Variants in GLIS1 observed in about 807,000 individuals in gnomAD.
The protein encoded by GLIS1 is zinc finger protein GLIS1.
A neutral mutation model predicts 63.8 loss-of-function variants in GLIS1; 24 were observed. The observed-to-expected ratio is 0.38, with a 90% confidence interval of 0.27 to 0.53. GLIS1 has a LOEUF of 0.53. Among genes scored for constraint, GLIS1 ranks in the 20% least tolerant of loss-of-function variants. The pLI is 0.85. For missense variants in GLIS1, 1,036 were observed against 1,074.1 expected (o/e 0.96, Z 0.50); for synonymous variants, 450 against 482.5 (o/e 0.93, Z 0.88).
chr1:53,588,523 C>G (rs185015258), intron 4 of GLIS1, among the ~76,000 whole-genome samples: 51 of 152,314 alleles, frequency 3.3e-4, no homozygotes, highest in African/African-American at 1.2e-3. Flanking sequence ...TGTTCTCTGT[C>G]TGTATGTGAT....
intron 8 of GLIS1, 32 bp downstream of exon 8, chr1:53,514,593 C>T: frequency 6.2e-7 from 1 of 1,600,440 alleles, no homozygotes; most frequent in Non-Finnish European, 8.5e-7. Context: ...CCCCTTGTTG[C>T]CCCTGGAGGA....
At chr1:53,566,627 C>T (rs1002257071) in intron 4 of GLIS1, among the ~76,000 whole-genome samples, 1 of 152,180 alleles carries the variant, frequency 6.6e-6, no homozygotes, top group Admixed American at 6.5e-5. Context: ...GGGGGAAGGG[C>T]CTGGTGGGAG....
intron 2 of GLIS1, among the ~76,000 whole-genome samples, chr1:53,649,191 A>T (rs1645879556): frequency 1.3e-5 from 2 of 152,252 alleles, no homozygotes; most frequent in South Asian, 4.1e-4. Context: ...TTACTACCAT[A>T]AAATATATAC....
At chr1:53,615,612 C>G (rs1473661663) in intron 2 of GLIS1, among the ~76,000 whole-genome samples, 1 of 152,152 alleles carries the variant, frequency 6.6e-6, no homozygotes, top group Non-Finnish European at 1.5e-5. Context: ...CAGATTTTAC[C>G]TTTTATCATA....
At chr1:53,719,053 G>C (rs1646727266) in intron 2 of GLIS1, among the ~76,000 whole-genome samples, 2 of 152,310 alleles carry the variant, frequency 1.3e-5, no homozygotes, top group Admixed American at 6.5e-5. Context: ...GACACTTCCA[G>C]CCTCTCTCCT....
chr1:53,586,397 A>G (rs1645135093), intron 4 of GLIS1, among the ~76,000 whole-genome samples: 1 of 152,256 alleles, frequency 6.6e-6, no homozygotes, highest in African/African-American at 2.4e-5. Context: ...CCAAGGTCAC[A>G]GAGCCAGCCC....
chr1:53,684,480 C>T (rs1646309569), intron 2 of GLIS1, among the ~76,000 whole-genome samples: 1 of 152,134 alleles, frequency 6.6e-6, no homozygotes, highest in Non-Finnish European at 1.5e-5. Context: ...AGGTGAGCCT[C>T]ACTTCACACT....
intron 2 of GLIS1, among the ~76,000 whole-genome samples, chr1:53,653,419 C>T (rs569119119): frequency 6.6e-6 from 1 of 152,098 alleles, no homozygotes; most frequent in East Asian, 1.9e-4. Context: ...CACAGCCCGG[C>T]GACCCCTGCC....
chr1:53,719,185 C>T (rs1646728384), intron 2 of GLIS1, among the ~76,000 whole-genome samples: 1 of 152,240 alleles, frequency 6.6e-6, no homozygotes, highest in African/African-American at 2.4e-5. Context: ...CTCATTCTGC[C>T]ACGAAGCAGG....
intron 2 of GLIS1, among the ~76,000 whole-genome samples, chr1:53,624,210 GAACA>G (rs1261838930): frequency 7.9e-5 from 12 of 152,164 alleles, no homozygotes; most frequent in Non-Finnish European, 1.3e-4. Context: ...TAGATCAACA[GAACA>G]AACAAAGTCT....
intron 2 of GLIS1, among the ~76,000 whole-genome samples, chr1:53,637,352 T>A (rs1645736956): frequency 6.6e-6 from 1 of 152,100 alleles, no homozygotes; most frequent in Non-Finnish European, 1.5e-5. Flanking sequence ...GACGGGAGGA[T>A]ACCCAGGGAT....
intron 2 of GLIS1, among the ~76,000 whole-genome samples, chr1:53,680,674 C>G (rs1646265571): frequency 6.6e-6 from 1 of 152,162 alleles, no homozygotes; most frequent in African/African-American, 2.4e-5. Context: ...AAAACAAATC[C>G]TATTTGGGGG....
At chr1:53,556,729 G>A (rs538824172) in intron 4 of GLIS1, among the ~76,000 whole-genome samples, 1 of 150,968 alleles carries the variant, frequency 6.6e-6, no homozygotes, top group Admixed American at 6.6e-5. Flanking sequence ...GTGTGCAGGT[G>A]TACTGGAGGT....
chr1:53,546,351 G>A (rs980752397), intron 4 of GLIS1, among the ~76,000 whole-genome samples: 13 of 152,222 alleles, frequency 8.5e-5, no homozygotes, highest in Non-Finnish European at 1.9e-4. Flanking sequence ...GGGGAGGAGC[G>A]AGTGCTCCCT....
chr1:53,506,872 C>T, intron 10 of GLIS1, 96 bp from the exon 11 acceptor site: 5 of 1,234,604 alleles, frequency 4.0e-6, no homozygotes, highest in Non-Finnish European at 4.5e-6. Flanking sequence ...TGCCCAGGGT[C>T]ATCCCCTCAC....
At chr1:53,693,819 T>G (rs971622413) in intron 2 of GLIS1, among the ~76,000 whole-genome samples, 33 of 152,198 alleles carry the variant, frequency 2.2e-4, no homozygotes, top group Non-Finnish European at 7.3e-5. Flanking sequence ...GCGTGCCTTT[T>G]CATCGATCGC....
intron 2 of GLIS1, among the ~76,000 whole-genome samples, chr1:53,625,746 A>G (rs1360079740): frequency 6.6e-6 from 1 of 152,212 alleles, no homozygotes; most frequent in African/African-American, 2.4e-5. Context: ...AGAGACTCAG[A>G]GAAGAAACTG....
At chr1:53,680,494 C>T (rs889343084) in intron 2 of GLIS1, among the ~76,000 whole-genome samples, 1 of 152,214 alleles carries the variant, frequency 6.6e-6, no homozygotes, top group Non-Finnish European at 1.5e-5. Context: ...CTCTCTGAGC[C>T]TCTTCCTCCT....
chr1:53,538,813 G>T (rs1644608972), intron 4 of GLIS1, among the ~76,000 whole-genome samples: 1 of 152,186 alleles, frequency 6.6e-6, no homozygotes, highest in Non-Finnish European at 1.5e-5. Context: ...CTCTTCTCTG[G>T]CAAAAGTTCC....
Sources: gnomAD v4.1 joint callset for allele counts (sites outside exome capture counted in the v4.1 genomes callset) on GRCh38, gnomAD v4.1.1 for gene constraint, MANE v1.5 for transcripts, NCBI Gene and HGNC (gene_info 2026-07-23, HGNC 2026-07-21) for gene names.